Variants in ZNF75D observed in about 807,000 individuals in gnomAD.
ZNF75D encodes zinc finger protein 75.
A neutral mutation model predicts 33.3 loss-of-function variants in ZNF75D; 33 were observed. That is an observed-to-expected ratio of 0.99 (90% confidence interval 0.75 to 1.32). The LOEUF (loss-of-function observed/expected upper bound fraction) is 1.32. Ranked by LOEUF, ZNF75D falls within the 40% of genes most tolerant of loss-of-function variation. The pLI is 0.00. For missense variants in ZNF75D, 338 were observed against 367.5 expected, an observed-to-expected ratio of 0.92 and a Z score of 0.66; for synonymous variants, 113 against 130.6, an observed-to-expected ratio of 0.87 and a Z score of 0.92.
chrX:135,308,310 A>G (rs1556426363), intron 1 of ZNF75D, among the ~76,000 whole-genome samples: 1 of 112,039 alleles, frequency 8.9e-6, no homozygotes, highest in East Asian at 2.8e-4. Flanking sequence ...GTTTCCTCTC[A>G]CTGTTTACTC....
At chrX:135,321,794 A>C (rs903263566) in intron 1 of ZNF75D, among the ~76,000 whole-genome samples, 3 of 112,068 alleles carry the variant, frequency 2.7e-5, no homozygotes, top group African/African-American at 9.7e-5. Context: ...GAAAAATTTT[A>C]GTTATAATAG....
intron 1 of ZNF75D, among the ~76,000 whole-genome samples, chrX:135,339,758 G>A (rs1184936179): frequency 8.9e-6 from 1 of 111,792 alleles, no homozygotes; most frequent in Admixed American, 9.4e-5. Context: ...CCCCTCCCTC[G>A]CTCCACCTTG....
chrX:135,328,125 G>A (rs1158877668), intron 1 of ZNF75D, among the ~76,000 whole-genome samples: 2 of 111,661 alleles, frequency 1.8e-5, no homozygotes, highest in Non-Finnish European at 3.8e-5. Flanking sequence ...TTATAGTGCT[G>A]TTTCCCTGAG....
chrX:135,259,772 G>A (rs2083830250), intron 1 of ZNF75D, among the ~76,000 whole-genome samples: 1 of 111,689 alleles, frequency 9.0e-6, no homozygotes, highest in African/African-American at 3.3e-5. Context: ...TTTCCTAATT[G>A]AATACCCTTT....
Position 135,286,798 on chromosome X carries a change from A to C in ZNF75D, c.*339T>G. The C allele has an allele frequency of 5.3e-6, 1 of 187,597 alleles. No homozygotes were observed. Among genetic ancestry groups the C allele is most frequent in the Non-Finnish European group, 9.6e-6 (1 of 104,160 alleles). The allele number at this position is 187,597 out of a possible 1,213,427, so 15.5% of individuals were successfully genotyped here. A position where few individuals can be genotyped will look rare whatever the true frequency, so the allele number is the denominator to read the frequency against. ...AAAAATGAGACTAAGAGCCTTGACTATCATATGTCTGTTGAGCACTTGATA... is the reference window on the plus strand; with the variant it reads ...AAAAATGAGACTAAGAGCCTTGACTCTCATATGTCTGTTGAGCACTTGATA... On this transcript the variant is annotated 3_prime_UTR_variant, in exon 7 of 7. Transcript: ENST00000370766.
At chrX:135,326,304 C>G (rs1194763540) in intron 1 of ZNF75D, among the ~76,000 whole-genome samples, 14 of 110,702 alleles carry the variant, frequency 1.3e-4, no homozygotes, top group Non-Finnish European at 2.6e-4. Flanking sequence ...CCAATCAGCA[C>G]CCTGTGTCTA....
chrX:135,314,640 G>C (rs1351865320), intron 1 of ZNF75D, among the ~76,000 whole-genome samples: 8 of 111,322 alleles, frequency 7.2e-5, no homozygotes, highest in African/African-American at 2.6e-4. Flanking sequence ...TTTTTTACTA[G>C]TGATTTAATG....
chrX:135,271,080 C>A (rs1179024927), intron 1 of ZNF75D, among the ~76,000 whole-genome samples: 2 of 111,531 alleles, frequency 1.8e-5, no homozygotes, highest in Non-Finnish European at 3.8e-5. Flanking sequence ...AGCCCTTCAA[C>A]CTTGCAGGCT....
chrX:135,322,815 G>A (rs112478295), intron 1 of ZNF75D, among the ~76,000 whole-genome samples: 7 of 112,132 alleles, frequency 6.2e-5, no homozygotes. Context: ...TAGAAAATTA[G>A]GCAATGTAAC....
intron 1 of ZNF75D, among the ~76,000 whole-genome samples, chrX:135,265,651 C>T (rs2083860421): frequency 8.9e-6 from 1 of 111,765 alleles, no homozygotes; most frequent in African/African-American, 3.3e-5. Context: ...AAGACCTTCC[C>T]AGACAAACAA....
intron 1 of ZNF75D, among the ~76,000 whole-genome samples, chrX:135,269,877 T>C (rs2083875965): frequency 9.0e-6 from 1 of 111,597 alleles, no homozygotes. Context: ...ATAAAGAAAA[T>C]GTGGTACATA....
chrX:135,260,974 C>T (rs2083838908), intron 1 of ZNF75D, among the ~76,000 whole-genome samples: 1 of 112,412 alleles, frequency 8.9e-6, no homozygotes, highest in South Asian at 3.6e-4. Flanking sequence ...TTAAATGTGT[C>T]TCACAGATTC....
At chrX:135,326,729 C>G (rs1461223568) in intron 1 of ZNF75D, among the ~76,000 whole-genome samples, 4 of 111,333 alleles carry the variant, frequency 3.6e-5, no homozygotes, top group African/African-American at 1.3e-4. Context: ...AGACCATGAG[C>G]CCACCGGGAG....
At chrX:135,302,689 T>G (rs1392707068) in intron 1 of ZNF75D, among the ~76,000 whole-genome samples, 1 of 111,501 alleles carries the variant, frequency 9.0e-6, no homozygotes, top group Non-Finnish European at 1.9e-5. Flanking sequence ...AGGAGTATAA[T>G]GTGATAGTGT....
chrX:135,316,071 T>C (rs1365730130), intron 1 of ZNF75D, among the ~76,000 whole-genome samples: 1 of 111,639 alleles, frequency 9.0e-6, no homozygotes, highest in African/African-American at 3.3e-5. Flanking sequence ...TTGAGCACTT[T>C]TTCTTTCTCA....
chrX:135,319,279 T>C (rs1407273252), intron 1 of ZNF75D, among the ~76,000 whole-genome samples: 3 of 112,656 alleles, frequency 2.7e-5, no homozygotes, highest in Non-Finnish European at 3.8e-5. Context: ...CTTGCTGCTT[T>C]GGTTTCTTGG....
intron 1 of ZNF75D, among the ~76,000 whole-genome samples, chrX:135,278,857 T>A (rs782164071): frequency 8.9e-6 from 1 of 112,083 alleles, no homozygotes; most frequent in South Asian, 3.7e-4. Flanking sequence ...AGGTGGTGGA[T>A]AAGCTTTTTG....
At chrX:135,308,793 C>T (rs2084321455) in intron 1 of ZNF75D, among the ~76,000 whole-genome samples, 2 of 111,909 alleles carry the variant, frequency 1.8e-5, no homozygotes, top group South Asian at 7.5e-4. Flanking sequence ...GAAACAGAAA[C>T]TAGGTAGCAC....
chrX:135,268,783 G>A (rs1025848820), intron 1 of ZNF75D, among the ~76,000 whole-genome samples: 2 of 110,799 alleles, frequency 1.8e-5, no homozygotes, highest in Non-Finnish European at 3.8e-5. Context: ...AGACCCAGAA[G>A]AGCCAAAGCT....
Sources: allele counts gnomAD v4.1 joint callset (sites outside exome capture counted in the v4.1 genomes callset), GRCh38; gene constraint gnomAD v4.1.1; transcripts MANE v1.5; gene names NCBI Gene and HGNC (gene_info 2026-07-23, HGNC 2026-07-21).